The following RBMS3 variants were observed in gnomAD, a reference collection of about 807,000 sequenced individuals.
The protein encoded by RBMS3 is RNA-binding motif, single-stranded-interacting protein 3.
RBMS3 carries 27 observed loss-of-function variants against 66.8 expected under a neutral mutation model. The observed-to-expected ratio is 0.40, with a 90% CI of 0.30 to 0.56. The LOEUF is 0.56. Among genes scored for constraint, RBMS3 ranks in the 20% least tolerant of loss-of-function variants. The pLI, the probability that RBMS3 is intolerant of heterozygous loss-of-function variation, is 0.40. For missense variants in RBMS3, 513 were observed against 549.5 expected (o/e 0.93, Z 0.66); for synonymous variants, 188 against 183.0 (o/e 1.03, Z -0.22).
At chr3:29,699,973 A>C (rs1217773842) in intron 4 of RBMS3, among the ~76,000 whole-genome samples, 1 of 152,210 alleles carries the variant, frequency 6.6e-6, no homozygotes, top group African/African-American at 2.4e-5. Flanking sequence ...TACTTCCTTT[A>C]AGACTGAACA....
intron 4 of RBMS3, among the ~76,000 whole-genome samples, chr3:29,609,311 G>T (rs181325289): frequency 6.6e-6 from 1 of 152,058 alleles, no homozygotes; most frequent in Non-Finnish European, 1.5e-5. Context: ...TATTGGACTG[G>T]CAGTATGGCA....
At chr3:29,869,204 A>G (rs1460308377) in intron 7 of RBMS3, among the ~76,000 whole-genome samples, 1 of 152,178 alleles carries the variant, frequency 6.6e-6, no homozygotes, top group Non-Finnish European at 1.5e-5. Flanking sequence ...AACCAAACTC[A>G]AACCTGAAAG....
At chr3:29,676,062 T>C (rs1221962739) in intron 4 of RBMS3, among the ~76,000 whole-genome samples, 1 of 152,182 alleles carries the variant, frequency 6.6e-6, no homozygotes, top group Non-Finnish European at 1.5e-5. Flanking sequence ...TAAGCAAATG[T>C]GGCACATATA....
intron 3 of RBMS3, among the ~76,000 whole-genome samples, chr3:29,571,995 T>C (rs2046968554): frequency 6.6e-6 from 1 of 152,162 alleles, no homozygotes; most frequent in Non-Finnish European, 1.5e-5. Context: ...GATATTTTTC[T>C]TCTTTGATTA....
rs534106611 is a variant in RBMS3, at chr3:29,311,036, C to G, written c.75+29280C>G. ...TATATCAATAGTGCCACTGTGTTAT[C>G]ACTCCTGAGTGCTGCTGCTTCTGTG... is the stretch of plus-strand genomic sequence containing the variant. On this transcript the variant is annotated intron_variant, in intron 1 of 14. Transcript: ENST00000383767. Among the ~76,000 whole-genome samples the G allele has an allele frequency of 3.3e-5, 5 of 151,896 alleles. No individual in the cohort carries two copies. The East Asian group carries it at 9.7e-4, about 30-fold the overall frequency.
At chr3:29,761,624 A>G (rs1335156104) in intron 5 of RBMS3, among the ~76,000 whole-genome samples, 2 of 152,086 alleles carry the variant, frequency 1.3e-5, no homozygotes, top group Non-Finnish European at 2.9e-5. Flanking sequence ...AATATGTATA[A>G]CTTACTTGAC....
chr3:29,729,135 C>T (rs1202300154), intron 4 of RBMS3, among the ~76,000 whole-genome samples: 3 of 146,414 alleles, frequency 2.0e-5, no homozygotes, highest in Non-Finnish European at 3.0e-5. Context: ...CCTCCCCTAC[C>T]GCCCCACCCC....
At chr3:29,431,589 C>T (rs910119778) in intron 1 of RBMS3, among the ~76,000 whole-genome samples, 2 of 151,916 alleles carry the variant, frequency 1.3e-5, no homozygotes, top group South Asian at 2.1e-4. Context: ...CCGCGCCCAG[C>T]CAAAAAACGT....
intron 6 of RBMS3, among the ~76,000 whole-genome samples, chr3:29,782,621 C>G (rs2056676582): frequency 6.6e-6 from 1 of 152,132 alleles, no homozygotes; most frequent in Admixed American, 6.5e-5. Flanking sequence ...ACAAAACAAG[C>G]TTCTTTAACA....
intron 1 of RBMS3, among the ~76,000 whole-genome samples, chr3:29,384,435 T>TAATAATGAAG (rs776357215): frequency 7.1e-6 from 1 of 141,038 alleles, no homozygotes; most frequent in Non-Finnish European, 1.5e-5. Flanking sequence ...ATAATAATAA[T>TAATAATGAAG]AAGAAGAAGA....
intron 2 of RBMS3, among the ~76,000 whole-genome samples, chr3:29,474,024 C>T (rs909963897): frequency 4.6e-5 from 7 of 152,366 alleles, no homozygotes; most frequent in Non-Finnish European, 7.4e-5. Context: ...AGGCCGAGAG[C>T]GAGCAAGGGC....
chr3:29,549,619 C>T (rs1207247606), intron 3 of RBMS3, among the ~76,000 whole-genome samples: 3 of 151,830 alleles, frequency 2.0e-5, no homozygotes, highest in Admixed American at 2.0e-4. Flanking sequence ...AGGCTGGTCT[C>T]GAACACCTGA....
At chr3:29,518,547 A>G (rs973597966) in intron 3 of RBMS3, among the ~76,000 whole-genome samples, 5 of 152,222 alleles carry the variant, frequency 3.3e-5, no homozygotes, top group Non-Finnish European at 5.9e-5. Context: ...CCTTTAACAG[A>G]AAAGAATATG....
chr3:29,341,915 T>C (rs1226598221), intron 1 of RBMS3, among the ~76,000 whole-genome samples: 1 of 152,154 alleles, frequency 6.6e-6, no homozygotes, highest in Non-Finnish European at 1.5e-5. Context: ...CACTACTAAC[T>C]GGATTTCATT....
At chr3:29,430,287 T>G (rs2041129737) in intron 1 of RBMS3, among the ~76,000 whole-genome samples, 2 of 152,184 alleles carry the variant, frequency 1.3e-5, no homozygotes, top group Admixed American at 1.3e-4. Context: ...ATTGGTTCAA[T>G]AACACCGAGA....
At chr3:29,794,618 C>T (rs2057122403) in intron 6 of RBMS3, among the ~76,000 whole-genome samples, 1 of 152,026 alleles carries the variant, frequency 6.6e-6, no homozygotes, top group Admixed American at 6.6e-5. Flanking sequence ...ACAACAAAAA[C>T]ACATGATATG....
chr3:29,468,492 T>C (rs1356353485), intron 2 of RBMS3, among the ~76,000 whole-genome samples: 1 of 152,160 alleles, frequency 6.6e-6, no homozygotes, highest in African/African-American at 2.4e-5. Flanking sequence ...TAGAATACCG[T>C]AACTTTGTAG....
intron 1 of RBMS3, among the ~76,000 whole-genome samples, chr3:29,354,278 A>G (rs2037089040): frequency 6.6e-6 from 1 of 152,140 alleles, no homozygotes. Flanking sequence ...ATATGTGTTT[A>G]CATATTTGTG....
intron 10 of RBMS3, among the ~76,000 whole-genome samples, chr3:29,909,332 G>C (rs1256752120): frequency 6.6e-6 from 1 of 152,064 alleles, no homozygotes; most frequent in Non-Finnish European, 1.5e-5. Flanking sequence ...ACTGATGTGT[G>C]CGTAAAAGTA....
Sources: allele counts gnomAD v4.1 joint callset (sites outside exome capture counted in the v4.1 genomes callset), GRCh38; gene constraint gnomAD v4.1.1; transcripts MANE v1.5; gene names NCBI Gene and HGNC (gene_info 2026-07-23, HGNC 2026-07-21).